Variants in NR2C1 observed in about 807,000 individuals in gnomAD.
The protein encoded by NR2C1 is nuclear receptor subfamily 2 group C member 1.
Under a neutral mutation model 74.8 loss-of-function variants are expected in NR2C1, and 33 were observed. The ratio of observed to expected loss-of-function variants is 0.44; its 90% confidence interval spans 0.33 to 0.59. The LOEUF is 0.59. Among genes scored for constraint, NR2C1 ranks in the 20% least tolerant of loss-of-function variants. The probability of loss-of-function intolerance (pLI) is 0.02; values close to 1 mark genes in which losing one functional copy is unlikely to be tolerated. For missense variants in NR2C1, 568 were observed against 715.6 expected (o/e 0.79, Z 2.35); for synonymous variants, 225 against 240.6 (o/e 0.94, Z 0.60).
chr12:95,027,205 C>A (rs1869468816), intron 12 of NR2C1, among the ~76,000 whole-genome samples: 2 of 152,130 alleles, frequency 1.3e-5, no homozygotes, highest in South Asian at 4.1e-4. Context: ...CAGGTGCACA[C>A]CAGCACATCC....
Position 95,058,529 on chromosome 12 carries a change from A to G in NR2C1, c.365-40T>C, listed in dbSNP as rs570809315. The G allele has an allele frequency of 2.0e-6, 3 of 1,528,936 alleles. No individual in the cohort carries two copies. The Admixed American group carries it at 5.6e-5, about 28-fold the overall frequency. 94.7% of individuals were successfully genotyped at this position (1,528,936 alleles called of 1,614,324 possible). On this transcript the variant is annotated intron_variant, in intron 4 of 13. Coordinates refer to ENST00000333003, the MANE Select transcript of NR2C1 (RefSeq NM_003297.4). ...TTTAAGAAAATATAAAAGTCACATTATTTCAGAACAGAAATGACATAAGCC... is the reference window on the plus strand; with the variant it reads ...TTTAAGAAAATATAAAAGTCACATTGTTTCAGAACAGAAATGACATAAGCC...
rs938564645 is a variant in NR2C1, at chr12:95,067,092, C to T, written c.54+239G>A. On this transcript the variant is annotated intron_variant, in intron 2 of 13. Transcript: ENST00000333003. ...TTTAATTTCTTTCCTTCCTTCCTTC[C>T]CTTCATTCCTTTCAATTTTCTTCTG... is the stretch of plus-strand genomic sequence containing the variant. The T allele has an allele frequency of 1.7e-5, 9 of 542,328 alleles. No homozygotes were observed. In the Admixed American group the frequency reaches 1.8e-4, roughly 11 times the overall value. The allele number at this position is 542,328 out of a possible 1,614,324, so 33.6% of individuals were successfully genotyped here.
chr12:95,036,503 G>A (rs151125726), intron 10 of NR2C1, among the ~76,000 whole-genome samples: 1 of 150,828 alleles, frequency 6.6e-6, no homozygotes, highest in East Asian at 1.9e-4. Context: ...ACACTATATT[G>A]TGGGTTTACT....
rs2136191624 is a variant in NR2C1 at position 95,062,948 on chromosome 12, A to G, written c.55-210T>C. ...ATAGTAAGAACATTTTGACCTCACT[A>G]TTTTGATTCCCTCCTTCCCCTTCCC... is the stretch of plus-strand genomic sequence containing the variant. On this transcript the variant is annotated intron_variant, in intron 2 of 13. Coordinates refer to ENST00000333003, the MANE Select transcript of NR2C1 (RefSeq NM_003297.4). The G allele has an allele frequency of 6.9e-6, 4 of 578,890 alleles. No homozygotes were observed. In the South Asian group the frequency reaches 8.4e-5, roughly 12 times the overall value. The allele number at this position is 578,890 out of a possible 1,614,324, so 35.9% of individuals were successfully genotyped here. A position where few individuals can be genotyped will look rare whatever the true frequency, so the allele number is the denominator to read the frequency against.
intron 2 of NR2C1, chr12:95,067,022 C>T (rs1244378290): frequency 8.1e-6 from 3 of 372,170 alleles, no homozygotes; most frequent in Non-Finnish European, 1.4e-5. Context: ...ATTGTACCCT[C>T]TAAAAAGAAT....
chr12:95,062,908 GCAAA>G (rs1488347813), intron 2 of NR2C1, 170 bp from the exon 3 acceptor site: 14 of 611,260 alleles, frequency 2.3e-5, no homozygotes, highest in South Asian at 8.0e-5. Flanking sequence ...AAACAAATGT[GCAAA>G]CAAAGGTACA....
At chr12:95,060,245 T>C (rs553657296) in intron 3 of NR2C1, among the ~76,000 whole-genome samples, 5 of 152,302 alleles carry the variant, frequency 3.3e-5, no homozygotes, top group Non-Finnish European at 4.4e-5. Context: ...ATAAATTTCC[T>C]TGAGGTAATT....
At position 95,059,962 on chromosome 12, in the gene NR2C1, T is replaced by C. The variant is rs113504024; in HGVS notation, c.308A>G (p.Asp103Gly). Residue 103 changes from aspartate to glycine, a missense_variant, in exon 4 of 14, where the codon GAC becomes GGC. Physicochemically the swap from Asp to Gly is moderately conservative, Grantham distance 94. This residue lies in a region of NR2C1 where 128 missense variants were observed against 118.9 expected (regional missense o/e 1.08). Transcript: ENST00000333003. ...HLQLLTDNSP[D>G]QGPNKVFDLC... Reference sequence around the variant, plus strand: ...ATCAAAAACCTTATTTGGTCCTTGGTCTGGAGAATTATCTGTTAGGAGCTA... The same window carrying C: ...ATCAAAAACCTTATTTGGTCCTTGGCCTGGAGAATTATCTGTTAGGAGCTA... 1 of 1,539,602 alleles carries C rather than the reference T, an allele frequency of 6.5e-7. No homozygotes were observed. The highest frequency in any genetic ancestry group is 8.8e-7 in the Non-Finnish European group (1 of 1,135,224).
At chr12:95,054,799 G>C (rs1341780996) in intron 7 of NR2C1, among the ~76,000 whole-genome samples, 3 of 151,546 alleles carry the variant, frequency 2.0e-5, no homozygotes, top group Non-Finnish European at 4.4e-5. Flanking sequence ...GGTGTTTCTC[G>C]CAGAGGGGGA....
intron 11 of NR2C1, chr12:95,030,554 A>G (rs1565835040): frequency 1.7e-5 from 28 of 1,612,548 alleles, no homozygotes; most frequent in East Asian, 1.3e-4. Flanking sequence ...GTAGGAGTCC[A>G]TAAGTAAGAT....
chr12:95,044,168 A>G (rs1268380423), intron 9 of NR2C1, among the ~76,000 whole-genome samples: 2 of 152,256 alleles, frequency 1.3e-5, no homozygotes, highest in Non-Finnish European at 2.9e-5. Flanking sequence ...AGCATTGACA[A>G]GAACTAAACC....
chr12:95,067,287 G>C (rs1875854498), intron 2 of NR2C1, 44 bp downstream of exon 2: 1 of 1,529,518 alleles, frequency 6.5e-7, no homozygotes, highest in African/African-American at 1.4e-5. Context: ...GTAGGAATTA[G>C]AAAAGTTTGG....
intron 9 of NR2C1, among the ~76,000 whole-genome samples, chr12:95,046,478 C>G (rs1872332586): frequency 6.6e-6 from 1 of 152,072 alleles, no homozygotes; most frequent in Non-Finnish European, 1.5e-5. Flanking sequence ...GTCTCAGCAA[C>G]ATGAAAGACT....
chr12:95,028,650 G>T (rs1592723797), intron 11 of NR2C1, 126 bp from the exon 12 acceptor site: 2 of 681,136 alleles, frequency 2.9e-6, no homozygotes, highest in East Asian at 5.6e-5. Context: ...TTGAGACAGG[G>T]TTTTACTCCT....
At chr12:95,069,069 G>A (rs1876182467) in intron 1 of NR2C1, among the ~76,000 whole-genome samples, 1 of 152,152 alleles carries the variant, frequency 6.6e-6, no homozygotes, top group South Asian at 2.1e-4. Flanking sequence ...TTTGGAAACA[G>A]GAATGGAAGG....
At chr12:95,042,005 A>C (rs1200282317) in intron 9 of NR2C1, among the ~76,000 whole-genome samples, 1 of 152,216 alleles carries the variant, frequency 6.6e-6, no homozygotes. Flanking sequence ...AAAATCTCAC[A>C]GACATCCAAG....
intron 13 of NR2C1, among the ~76,000 whole-genome samples, chr12:95,023,824 T>C (rs907494532): frequency 2.6e-5 from 4 of 152,180 alleles, no homozygotes; most frequent in Admixed American, 2.0e-4. Flanking sequence ...ATTTAAATAC[T>C]GTATTTATTT....
intron 10 of NR2C1, among the ~76,000 whole-genome samples, chr12:95,038,020 A>G (rs1434205425): frequency 6.6e-6 from 1 of 152,166 alleles, no homozygotes; most frequent in African/African-American, 2.4e-5. Flanking sequence ...AAGTAAACAC[A>G]TAAATAAGAT....
At chr12:95,057,967 TAGG>T (rs1364413452) in intron 5 of NR2C1, 89 bp from the exon 6 acceptor site, 1 of 1,078,784 alleles carries the variant, frequency 9.3e-7, no homozygotes, top group Non-Finnish European at 1.4e-6. Context: ...ATGCTGCTAA[TAGG>T]AGACATGGCT....
Sources: allele counts gnomAD v4.1 joint callset (sites outside exome capture counted in the v4.1 genomes callset), GRCh38; gene constraint gnomAD v4.1.1; regional missense constraint gnomAD v4.1.1; transcripts MANE v1.5; gene names NCBI Gene and HGNC (gene_info 2026-07-23, HGNC 2026-07-21).